Variants in CFAP418 observed in about 807,000 individuals in gnomAD.
The protein encoded by CFAP418 is cilia and flagella associated protein 418, also known as cilia- and flagella-associated protein 418.
A neutral mutation model predicts 24.7 loss-of-function variants in CFAP418; 27 were observed. That is an observed-to-expected ratio of 1.09 (90% CI 0.81 to 1.51). The LOEUF (loss-of-function observed/expected upper bound fraction) is 1.51, where lower values mean the gene tolerates loss of function less well. Among genes scored for constraint, CFAP418 ranks in the 40% most tolerant of loss-of-function variants. The probability of loss-of-function intolerance (pLI) is 0.00; values close to 1 mark genes in which losing one functional copy is unlikely to be tolerated. For missense variants in CFAP418, 257 were observed against 255.2 expected (o/e 1.01, Z -0.05); for synonymous variants, 74 against 87.3 (o/e 0.85, Z 0.85).
At chr8:95,247,861 T>C (rs1811648564) in intron 5 of CFAP418, 91 bp from the exon 6 acceptor site, 1 of 1,350,998 alleles carries the variant, frequency 7.4e-7, no homozygotes, top group East Asian at 2.4e-5. Context: ...TTTCTTTTCT[T>C]TTCTTTTTTT....
At position 95,269,130 on chromosome 8, in the gene CFAP418, G is replaced by A. The variant is rs775635185; in HGVS notation, c.60C>T (p.Asp20=). ...DEVESKFCTP[D]LLRRGMVEQP... ...GCTCGACCATACCCCGTCTTAGAAG[G>A]TCAGGTGTGCAAAACTTGGACTCGA... Residue 20 remains aspartate (D), a synonymous_variant, in exon 1 of 6, where the codon GAC becomes GAT. Transcript: ENST00000286688. 3 of 1,614,252 alleles carry A rather than the reference G, an allele frequency of 1.9e-6. No homozygotes were observed. The East Asian group carries it at 6.7e-5, about 36-fold the overall frequency.
rs1811597004 is a variant in CFAP418 at position 95,245,177 on chromosome 8, C to T, written c.*2440G>A. 1 of 152,028 alleles carries T rather than the reference C, an allele frequency of 6.6e-6. No individual in the cohort carries two copies. Among genetic ancestry groups the T allele is most frequent in the Non-Finnish European group, 1.5e-5 (1 of 67,996 alleles). 9.4% of individuals were successfully genotyped at this position (152,028 alleles called of 1,614,324 possible). A position where few individuals can be genotyped will look rare whatever the true frequency, so the allele number is the denominator to read the frequency against. On this transcript the variant is annotated 3_prime_UTR_variant, in exon 6 of 6. Coordinates refer to ENST00000286688, the MANE Select transcript of CFAP418 (RefSeq NM_177965.4). ...ATAGATGATTAGAAACTATACTTTT[C>T]TTCTATACTGATACTAAAATAGTTT...
At position 95,259,541 on chromosome 8, in the gene CFAP418, CA is replaced by C. The variant is rs1337294075; in HGVS notation, c.374+298del. ...TGTATCTGCATGGCCACTTTGCTTC[CA>C]CTGCCTGGAAGGAAGTTCACTCTCC... On this transcript the variant is annotated intron_variant, in intron 4 of 5. Coordinates refer to ENST00000286688, the MANE Select transcript of CFAP418 (RefSeq NM_177965.4). Among the ~76,000 whole-genome samples, 4 of 152,268 alleles carry C rather than the reference CA, an allele frequency of 2.6e-5. No homozygotes were observed. The East Asian group carries it at 7.7e-4, about 29-fold the overall frequency.
chr8:95,254,846 C>T (rs1811762306), intron 4 of CFAP418, among the ~76,000 whole-genome samples: 1 of 152,218 alleles, frequency 6.6e-6, no homozygotes, highest in African/African-American at 2.4e-5. Context: ...AATCAAGTAA[C>T]CAATCTGGAT....
chr8:95,247,902 G>A, intron 5 of CFAP418, 132 bp from the exon 6 acceptor site: 1 of 902,304 alleles, frequency 1.1e-6, no homozygotes, highest in Non-Finnish European at 1.6e-6. Flanking sequence ...TACTCAGGCT[G>A]GATTGCGGTG....
chr8:95,268,053 G>A (rs569279695), intron 1 of CFAP418, among the ~76,000 whole-genome samples: 1 of 152,224 alleles, frequency 6.6e-6, no homozygotes, highest in Admixed American at 6.5e-5. Context: ...CCCTTAACTA[G>A]GGGGCCATGG....
At chr8:95,260,407 G>C (rs1045355634) in intron 3 of CFAP418, 61 bp downstream of exon 3, 127 of 1,212,450 alleles carry the variant, frequency 1.0e-4, no homozygotes, top group Non-Finnish European at 1.4e-4. Context: ...AAATCTACTA[G>C]ACTATGCTCA....
chr8:95,257,639 T>C (rs1341316092), intron 4 of CFAP418, among the ~76,000 whole-genome samples: 2 of 152,210 alleles, frequency 1.3e-5, no homozygotes, highest in African/African-American at 4.8e-5. Flanking sequence ...TATTCCTAGT[T>C]ACATCATAGC....
Position 95,269,094 on chromosome 8 carries a change from G to C in CFAP418, c.96C>G (p.Gly32=), listed in dbSNP as rs1171421165. The change falls in exon 1 of 6, where the codon GGC becomes GGG. Residue 32 remains glycine (G), a synonymous_variant. Coordinates refer to ENST00000286688, the MANE Select transcript of CFAP418 (RefSeq NM_177965.4). ...CGCTACTGTGGGTGCCGCCGCCGCA[G>C]CCTTTGGGCTGCTCGACCATACCCC... ...LRRGMVEQPK[G]CGGGTHSSDR... 1.1e-5 allele frequency: 17 copies of C among 1,614,094 alleles called. No homozygotes were observed. The highest frequency in any genetic ancestry group is 1.3e-5 in the African/African-American group (1 of 74,948).
chr8:95,255,484 T>C (rs1204915504), intron 4 of CFAP418, among the ~76,000 whole-genome samples: 1 of 152,226 alleles, frequency 6.6e-6, no homozygotes, highest in Non-Finnish European at 1.5e-5. Context: ...CCCTTCATAT[T>C]AGTTAGAGTG....
At chr8:95,266,930 A>G (rs957613759) in intron 1 of CFAP418, among the ~76,000 whole-genome samples, 2 of 152,218 alleles carry the variant, frequency 1.3e-5, no homozygotes, top group African/African-American at 4.8e-5. Context: ...GCTGGCTTCA[A>G]TACATCCTGC....
chr8:95,247,864 C>CT, intron 5 of CFAP418, 94 bp from the exon 6 acceptor site: 1 of 1,324,286 alleles, frequency 7.6e-7, no homozygotes, highest in East Asian at 2.4e-5. Context: ...CTTTTCTTTT[C>CT]TTTTTTTGTT....
At chr8:95,248,583 AT>A (rs1003615588) in intron 5 of CFAP418, among the ~76,000 whole-genome samples, 10 of 152,348 alleles carry the variant, frequency 6.6e-5, no homozygotes, top group African/African-American at 9.6e-5. Context: ...TAATGTTGAA[AT>A]AATTAAATCA....
At chr8:95,250,611 G>T (rs558639705) in intron 5 of CFAP418, among the ~76,000 whole-genome samples, 1 of 152,232 alleles carries the variant, frequency 6.6e-6, no homozygotes, top group African/African-American at 2.4e-5. Context: ...AATAGCAGAG[G>T]GTTTAGAAAA....
At position 95,265,621 on chromosome 8, in the gene CFAP418, C is replaced by A. The variant is rs149168037; in HGVS notation, c.156-1847G>T. Among the ~76,000 whole-genome samples the A allele has an allele frequency of 5.8e-4, 88 of 152,204 alleles. 2 individuals are homozygous for A. In the East Asian group the frequency reaches 0.014, roughly 24 times the overall value. Reference sequence around the variant, plus strand: ...CCTTTGGCTTTCAGGACATACTTTCCGGGTTCTCCTCCCTCATGCAATTTC... The same window carrying A: ...CCTTTGGCTTTCAGGACATACTTTCAGGGTTCTCCTCCCTCATGCAATTTC... On this transcript the variant is annotated intron_variant, in intron 1 of 5. Transcript: ENST00000286688.
In CFAP418 at chr8:95,259,554, G is replaced by C. The variant is rs1811850994; in HGVS notation, c.374+286C>G. 2.0e-5 allele frequency among the ~76,000 whole-genome samples: 3 copies of C among 152,258 alleles called. 1 individual carries two copies. The South Asian group carries it at 6.2e-4, about 32-fold the overall frequency. On this transcript the variant is annotated intron_variant, in intron 4 of 5. Transcript: ENST00000286688. ...CCACTTTGCTTCCACTGCCTGGAAGGAAGTTCACTCTCCTGTGTCCTGTGG... is the reference window on the plus strand; with the variant it reads ...CCACTTTGCTTCCACTGCCTGGAAGCAAGTTCACTCTCCTGTGTCCTGTGG...
At chr8:95,264,263 TAGAC>T (rs929052795) in intron 1 of CFAP418, among the ~76,000 whole-genome samples, 20 of 152,294 alleles carry the variant, frequency 1.3e-4, no homozygotes, top group African/African-American at 4.8e-4. Flanking sequence ...TGCTATTTGT[TAGAC>T]AGAATATCTC....
intron 4 of CFAP418, among the ~76,000 whole-genome samples, chr8:95,253,472 T>C (rs1450538495): frequency 6.6e-6 from 1 of 152,212 alleles, no homozygotes; most frequent in Non-Finnish European, 1.5e-5. Context: ...AATACTTCTG[T>C]AATGAAAAAA....
rs1054831782 is a variant in CFAP418, at chr8:95,246,025, G to A, written c.*1592C>T. On this transcript the variant is annotated 3_prime_UTR_variant, in exon 6 of 6. Coordinates refer to ENST00000286688, the MANE Select transcript of CFAP418 (RefSeq NM_177965.4). ...TTTTTTTGAGACAGAGTCTCACTGT[G>A]TTGTCCAGGCTGGAGCGCAGTGGCG... 6.6e-6 allele frequency: 1 copy of A among 150,396 alleles called. No homozygotes were observed. The highest frequency in any genetic ancestry group is 2.5e-5 in the African/African-American group (1 of 40,734). 9.3% of individuals were successfully genotyped at this position (150,396 alleles called of 1,614,324 possible).
Sources: allele counts gnomAD v4.1 joint callset (sites outside exome capture counted in the v4.1 genomes callset), GRCh38; gene constraint gnomAD v4.1.1; transcripts MANE v1.5; gene names NCBI Gene and HGNC (gene_info 2026-07-23, HGNC 2026-07-21).